The following DOCK1 variants were observed in gnomAD, a reference collection of about 807,000 sequenced individuals.
DOCK1 encodes the protein dedicator of cytokinesis 1.
In DOCK1, 138 loss-of-function variants were observed where a neutral mutation model predicts 262.7. The ratio of observed to expected loss-of-function variants is 0.53; its 90% CI spans 0.46 to 0.61. DOCK1 has a LOEUF of 0.61. Ranked by LOEUF, DOCK1 falls within the 20% of genes least tolerant of loss-of-function variation. The pLI is 0.00. For synonymous variants in DOCK1, 866 were observed against 867.4 expected (o/e 1.00, Z 0.03); for missense variants, 1,908 against 2,370.7 (o/e 0.80, Z 4.05).
intron 27 of DOCK1, among the ~76,000 whole-genome samples, chr10:127,170,018 G>A (rs1394032843): frequency 6.6e-6 from 1 of 151,722 alleles, no homozygotes; most frequent in African/African-American, 2.4e-5. Flanking sequence ...TTTTACCACT[G>A]TGTGCCCGAG....
chr10:127,253,545 A>C (rs1014409524), intron 28 of DOCK1, among the ~76,000 whole-genome samples: 1 of 152,166 alleles, frequency 6.6e-6, no homozygotes, highest in Non-Finnish European at 1.5e-5. Context: ...ACTGTGGATC[A>C]CAAAAAATTT....
At chr10:127,117,597 A>C (rs1210268942) in intron 25 of DOCK1, among the ~76,000 whole-genome samples, 1 of 152,050 alleles carries the variant, frequency 6.6e-6, no homozygotes, top group African/African-American at 2.4e-5. Context: ...TCTGTGATCA[A>C]ATTGGTGGTG....
chr10:126,949,073 G>A (rs1312882448), intron 1 of DOCK1, among the ~76,000 whole-genome samples: 3 of 152,234 alleles, frequency 2.0e-5, no homozygotes, highest in Non-Finnish European at 1.5e-5. Flanking sequence ...CCCCTTTCTG[G>A]GAGTGGTGCA....
At position 127,373,791 on chromosome 10, in the gene DOCK1, A is replaced by G. The variant is rs1159849946; in HGVS notation, c.3443A>G (p.Glu1148Gly). 1 of 1,610,210 alleles carries G rather than the reference A, an allele frequency of 6.2e-7. No individual in the cohort carries two copies. The highest frequency in any genetic ancestry group is 8.5e-7 in the Non-Finnish European group (1 of 1,178,132). ...STRSFQMFEN[E>G]IITKLDHEVE... is the part of the protein sequence containing the mutation. ...TCTGTTTAATTATAGTTTGAAAATG[A>G]GATCATCACCAAGCTGGATCATGAA... The change falls in exon 34 of 52, where the codon GAG becomes GGG. Residue 1148 changes from glutamate to glycine, a missense_variant. This residue lies in a region of DOCK1 where 518 missense variants were observed against 575.1 expected (regional missense o/e 0.90). Coordinates refer to ENST00000623213, the MANE Select transcript of DOCK1 (RefSeq NM_001290223.2).
chr10:127,170,232 A>G (rs930989346), intron 27 of DOCK1, among the ~76,000 whole-genome samples: 1 of 151,876 alleles, frequency 6.6e-6, no homozygotes, highest in African/African-American at 2.4e-5. Flanking sequence ...TTTTAATCAT[A>G]CTCTTGCCTT....
intron 1 of DOCK1, among the ~76,000 whole-genome samples, chr10:126,930,670 C>T (rs1247768368): frequency 6.6e-6 from 1 of 152,230 alleles, no homozygotes; most frequent in Non-Finnish European, 1.5e-5. Context: ...GGCCTGGGGT[C>T]ACTGGCCTCG....
At chr10:127,392,905 T>C (rs2066574753) in intron 38 of DOCK1, among the ~76,000 whole-genome samples, 1 of 152,200 alleles carries the variant, frequency 6.6e-6, no homozygotes, top group Non-Finnish European at 1.5e-5. Context: ...GACAAATTCT[T>C]GCAAGAGCAG....
intron 38 of DOCK1, among the ~76,000 whole-genome samples, chr10:127,397,562 A>ACGGGCAG (rs1381899416): frequency 1.3e-5 from 2 of 149,034 alleles, no homozygotes; most frequent in Admixed American, 6.6e-5. Context: ...CATGAGTTAC[A>ACGGGCAG]TGGGCAGTGT....
At position 127,012,254 on chromosome 10, in the gene DOCK1, C is replaced by T. The variant is rs751055456; in HGVS notation, c.1081C>T (p.Arg361Ter). The change falls in exon 12 of 52, where the codon CGA (arginine) becomes TGA (stop). Residue 361 changes from arginine to a stop codon, truncating the protein, a stop_gained. Transcript: ENST00000623213. LOFTEE classifies it high-confidence loss of function. The surrounding 1 kb of genome is among the most constrained non-coding windows in gnomAD (Gnocchi z 4.0). Reference protein sequence around the residue: ...FQPLALDDAIRHKPLNMSSRF... With the variant: ...FQPLALDDAI The stretch of plus-strand genomic sequence containing the variant: ...CAGGCTCGCGTTGGACGACGCCATT[C>T]GACACAAGCCGCTGAACATGTCATC... 3.9e-5 allele frequency: 63 copies of T among 1,607,962 alleles called. No individual in the cohort carries two copies. The highest frequency in any genetic ancestry group is 5.0e-5 in the Non-Finnish European group (59 of 1,174,628).
At position 127,037,750 on chromosome 10, in the gene DOCK1, C is replaced by T. The variant is rs1459115282; in HGVS notation, c.1944C>T (p.Ser648=). Residue 648 remains serine, a synonymous_variant, in exon 19 of 52, where the codon TCC becomes TCT. Coordinates refer to ENST00000623213, the MANE Select transcript of DOCK1 (RefSeq NM_001290223.2). ...VDLLGLLKWR[S]NTSLLQQNLR... is the part of the protein sequence containing the mutation. Reference sequence around the variant, plus strand: ...TTCTGGGGCTCTTGAAATGGCGCTCCAACACCAGCCTGCTGCAGCAGAACT... The same window carrying T: ...TTCTGGGGCTCTTGAAATGGCGCTCTAACACCAGCCTGCTGCAGCAGAACT... 3 of 1,595,996 alleles carry T rather than the reference C, an allele frequency of 1.9e-6. No homozygotes were observed. The highest frequency in any genetic ancestry group is 2.3e-5 in the South Asian group (2 of 87,404).
chr10:127,109,258 A>G (rs2048724204), intron 24 of DOCK1, among the ~76,000 whole-genome samples: 1 of 152,238 alleles, frequency 6.6e-6, no homozygotes, highest in Non-Finnish European at 1.5e-5. Flanking sequence ...CCTTGCCAGT[A>G]TGACTGGTGA....
At chr10:127,362,904 CA>C (rs1590699002) in intron 33 of DOCK1, among the ~76,000 whole-genome samples, 1 of 128,064 alleles carries the variant, frequency 7.8e-6, no homozygotes, top group Admixed American at 7.8e-5. Context: ...CACACATGTA[CA>C]TCTCCACACA....
chr10:127,165,096 C>T (rs1412023706), intron 27 of DOCK1, among the ~76,000 whole-genome samples: 3 of 152,202 alleles, frequency 2.0e-5, no homozygotes, highest in Admixed American at 6.5e-5. Context: ...AATTTTCCTT[C>T]AGGACTCCCA....
At chr10:127,027,776 C>T (rs889052856) in intron 16 of DOCK1, among the ~76,000 whole-genome samples, 2 of 151,992 alleles carry the variant, frequency 1.3e-5, no homozygotes, top group Non-Finnish European at 2.9e-5. Flanking sequence ...GCCCTGGGCC[C>T]TCCATGTGGG....
intron 13 of DOCK1, among the ~76,000 whole-genome samples, chr10:127,022,182 C>G (rs1259751881): frequency 6.6e-6 from 1 of 151,936 alleles, no homozygotes; most frequent in Non-Finnish European, 1.5e-5. Context: ...TTAAAACAGA[C>G]AGGTCTGTTT....
chr10:127,441,532 G>A (rs2070133922), intron 49 of DOCK1, among the ~76,000 whole-genome samples: 1 of 152,204 alleles, frequency 6.6e-6, no homozygotes, highest in Admixed American at 6.5e-5. Flanking sequence ...CTCCTCCAGG[G>A]GACGGGTGCC....
At chr10:127,112,737 G>A (rs1265447975) in intron 25 of DOCK1, among the ~76,000 whole-genome samples, 2 of 152,168 alleles carry the variant, frequency 1.3e-5, no homozygotes, top group Non-Finnish European at 2.9e-5. Flanking sequence ...GAAGCTTCGT[G>A]TCTTACAAGC....
intron 29 of DOCK1, among the ~76,000 whole-genome samples, chr10:127,318,788 A>T (rs2062395656): frequency 6.6e-6 from 1 of 152,236 alleles, no homozygotes; most frequent in Non-Finnish European, 1.5e-5. Flanking sequence ...GGGCTCAGAT[A>T]GTAATCCAGC....
intron 13 of DOCK1, among the ~76,000 whole-genome samples, chr10:127,019,791 A>G (rs2042283802): frequency 6.6e-6 from 1 of 152,176 alleles, no homozygotes; most frequent in Non-Finnish European, 1.5e-5. Flanking sequence ...TTGGAAGCCC[A>G]CAAATTGGTG....
Sources: allele counts gnomAD v4.1 joint callset (sites outside exome capture counted in the v4.1 genomes callset), GRCh38; gene constraint gnomAD v4.1.1; regional missense constraint gnomAD v4.1.1; non-coding constraint Gnocchi (gnomAD v3.1); transcripts MANE v1.5; gene names NCBI Gene and HGNC (gene_info 2026-07-23, HGNC 2026-07-21).